Variants in ATP9B observed in about 807,000 individuals in gnomAD.
ATP9B encodes probable phospholipid-transporting ATPase IIB.
Under a neutral mutation model 146.1 loss-of-function variants are expected in ATP9B, and 110 were observed. That is an observed-to-expected ratio of 0.75 (90% confidence interval 0.65 to 0.88). The LOEUF (loss-of-function observed/expected upper bound fraction) is 0.88. Ranked by LOEUF, ATP9B falls within the 40% of genes least tolerant of loss-of-function variation. ATP9B has a pLI of 0.00. For missense variants in ATP9B, 1,499 were observed against 1,496.4 expected (o/e 1.00, Z -0.03); for synonymous variants, 604 against 569.7 (o/e 1.06, Z -0.86).
At chr18:79,120,887 T>C (rs188077919) in intron 4 of ATP9B, among the ~76,000 whole-genome samples, 32 of 152,320 alleles carry the variant, frequency 2.1e-4, no homozygotes, top group African/African-American at 7.2e-4. Flanking sequence ...CATCCACTCT[T>C]TTCTCGTGTG....
intron 18 of ATP9B, 142 bp downstream of exon 18, chr18:79,336,853 G>T: frequency 5.0e-6 from 4 of 794,534 alleles, no homozygotes; most frequent in Non-Finnish European, 8.2e-6. Context: ...CAGGAGCATG[G>T]GGTGATCCTG....
Position 79,266,021 on chromosome 18 carries a change from C to G in ATP9B, c.1269-11033C>G, listed in dbSNP as rs189280059. Among the ~76,000 whole-genome samples the G allele has an allele frequency of 8.4e-4, 128 of 152,230 alleles. 1 individual carries two copies. The East Asian group carries it at 0.02, about 24-fold the overall frequency. On this transcript the variant is annotated intron_variant, in intron 12 of 29. Transcript: ENST00000426216. ...TCCTTTTCTCATTGCTTGTTTTTGT[C>G]AGGTTTGTGGAAGATCAGATGGTTG...
In ATP9B at chr18:79,212,429, A is replaced by G. The variant is rs75243538; in HGVS notation, c.1031-1533A>G. Among the ~76,000 whole-genome samples the G allele has an allele frequency of 6.2e-3, 944 of 152,358 alleles. 6 individuals are homozygous for G. The highest frequency in any genetic ancestry group is 9.3e-3 in the Non-Finnish European group (630 of 68,022). ...TAGAGTCCACTTTGCTCATCAGTCA[A>G]CCTGCTTTCAGCTCAACGGTTTCTA... On this transcript the variant is annotated intron_variant, in intron 10 of 29. Coordinates refer to ENST00000426216, the MANE Select transcript of ATP9B (RefSeq NM_198531.5).
chr18:79,153,653 C>CTT (rs10618228), intron 6 of ATP9B, among the ~76,000 whole-genome samples: 3 of 143,138 alleles, frequency 2.1e-5, no homozygotes, highest in Non-Finnish European at 3.0e-5. Context: ...AGACATAAAG[C>CTT]TTTTTTTTTT....
At chr18:79,123,257 C>T (rs1046781041) in intron 4 of ATP9B, among the ~76,000 whole-genome samples, 21 of 152,062 alleles carry the variant, frequency 1.4e-4, no homozygotes, top group Non-Finnish European at 2.8e-4. Flanking sequence ...ACAAAAGTCA[C>T]TTGTATTTCT....
chr18:79,234,583 G>A (rs1473807613), intron 11 of ATP9B, among the ~76,000 whole-genome samples: 1 of 151,700 alleles, frequency 6.6e-6, no homozygotes, highest in East Asian at 1.9e-4. Flanking sequence ...CTTGCTTGCT[G>A]TGGGTGTGCT....
chr18:79,075,131 C>G (rs2072451461), intron 1 of ATP9B, among the ~76,000 whole-genome samples: 1 of 150,112 alleles, frequency 6.7e-6, no homozygotes, highest in South Asian at 2.1e-4. Context: ...GGCTGGAGTG[C>G]ATTGGTGCAG....
chr18:79,205,400 C>G (rs1041639896), intron 9 of ATP9B, among the ~76,000 whole-genome samples: 1 of 69,274 alleles, frequency 1.4e-5, no homozygotes, highest in African/African-American at 8.9e-5. Context: ...AAGGAAAACA[C>G]CAGTTACATA....
intron 1 of ATP9B, chr18:79,085,060 A>G (rs2073678009): frequency 6.6e-6 from 1 of 152,162 alleles, no homozygotes; most frequent in South Asian, 2.1e-4. Context: ...TTAAGGAAGC[A>G]TGGTGCTGGC....
At chr18:79,096,925 G>A (rs542615373) in intron 2 of ATP9B, among the ~76,000 whole-genome samples, 1 of 152,244 alleles carries the variant, frequency 6.6e-6, no homozygotes, top group East Asian at 1.9e-4. Flanking sequence ...GGGAGGCTAA[G>A]GCGGGCAGAT....
At chr18:79,140,190 C>T (rs772710348) in intron 5 of ATP9B, among the ~76,000 whole-genome samples, 8 of 151,940 alleles carry the variant, frequency 5.3e-5, no homozygotes, top group African/African-American at 1.2e-4. Flanking sequence ...ACGAGGTTCC[C>T]GGTGAGGTAG....
chr18:79,225,467 C>A (rs1361536044), intron 11 of ATP9B, among the ~76,000 whole-genome samples: 1 of 152,240 alleles, frequency 6.6e-6, no homozygotes, highest in East Asian at 1.9e-4. Context: ...ATTCATGCAG[C>A]ACTCCCTATC....
At chr18:79,153,041 G>T (rs990002211) in intron 6 of ATP9B, among the ~76,000 whole-genome samples, 1 of 151,934 alleles carries the variant, frequency 6.6e-6, no homozygotes, top group Non-Finnish European at 1.5e-5. Flanking sequence ...TCTTTTATTG[G>T]TTTCATGCTA....
chr18:79,272,565 C>T (rs887530425), intron 12 of ATP9B, among the ~76,000 whole-genome samples: 2 of 151,310 alleles, frequency 1.3e-5, no homozygotes, highest in African/African-American at 4.9e-5. Flanking sequence ...TGCACGGATA[C>T]GCTTCTCTCC....
chr18:79,171,537 G>A (rs1339884973), intron 7 of ATP9B, among the ~76,000 whole-genome samples: 1 of 152,088 alleles, frequency 6.6e-6, no homozygotes, highest in Non-Finnish European at 1.5e-5. Context: ...AGGTAGTACA[G>A]GGAGACCCCG....
Position 79,117,542 on chromosome 18 carries a change from A to G in ATP9B, c.558+4188A>G, listed in dbSNP as rs760893502. ...GCAGAAGGTCTTGGACTGTTTTAGC[A>G]TGCTCCAGGGTGGGAGGAGGTCATC... On this transcript the variant is annotated intron_variant, in intron 4 of 29. Transcript: ENST00000426216. 2.0e-5 allele frequency: 3 copies of G among 152,240 alleles called. No individual in the cohort carries two copies. In the East Asian group the frequency reaches 5.8e-4, roughly 29 times the overall value. The allele number at this position is 152,240 out of a possible 1,614,324, so 9.4% of individuals were successfully genotyped here.
chr18:79,128,671 G>C (rs2094328554), intron 5 of ATP9B, among the ~76,000 whole-genome samples: 1 of 152,116 alleles, frequency 6.6e-6, no homozygotes, highest in East Asian at 1.9e-4. Flanking sequence ...TTGTAATGGA[G>C]GGGCTAGGCA....
At chr18:79,352,175 A>C (rs959376229) in intron 25 of ATP9B, among the ~76,000 whole-genome samples, 5 of 152,248 alleles carry the variant, frequency 3.3e-5, no homozygotes, top group African/African-American at 1.2e-4. Flanking sequence ...ACAGCGCCAC[A>C]TCATAGCAGC....
chr18:79,353,204 G>A, intron 25 of ATP9B: 1 of 152,402 alleles, frequency 6.6e-6, no homozygotes, highest in Non-Finnish European at 1.5e-5. Context: ...AAGCAGGCTG[G>A]CAGTTTTTAT....
Sources: allele counts gnomAD v4.1 joint callset (sites outside exome capture counted in the v4.1 genomes callset), GRCh38; gene constraint gnomAD v4.1.1; transcripts MANE v1.5; gene names NCBI Gene and HGNC (gene_info 2026-07-23, HGNC 2026-07-21).